The following ROR2 variants were observed in gnomAD, a reference collection of about 807,000 sequenced individuals.
The protein encoded by ROR2 is tyrosine-protein kinase transmembrane receptor ROR2.
In ROR2, 33 loss-of-function variants were observed where a neutral mutation model predicts 74.9. That is an observed-to-expected ratio of 0.44 (90% confidence interval 0.33 to 0.59). The LOEUF is 0.59. Ranked by LOEUF, ROR2 falls within the 20% of genes least tolerant of loss-of-function variation. ROR2 has a pLI of 0.02. For missense variants in ROR2, 1,216 were observed against 1,313.8 expected (o/e 0.93, Z 1.15); for synonymous variants, 586 against 558.7 (o/e 1.05, Z -0.69).
intron 1 of ROR2, among the ~76,000 whole-genome samples, chr9:91,823,768 G>A (rs184122343): frequency 6.6e-6 from 1 of 152,344 alleles, no homozygotes; most frequent in Non-Finnish European, 1.5e-5. Context: ...AAGGAATAAG[G>A]AGGCCCACAT....
At chr9:91,789,851 G>A (rs549720525) in intron 1 of ROR2, among the ~76,000 whole-genome samples, 1 of 152,274 alleles carries the variant, frequency 6.6e-6, no homozygotes, top group Admixed American at 6.5e-5. Context: ...TTAAATGTAA[G>A]TGGGTAAAAA....
intron 1 of ROR2, among the ~76,000 whole-genome samples, chr9:91,913,498 A>C (rs756898182): frequency 1.5e-4 from 23 of 152,148 alleles, no homozygotes; most frequent in Non-Finnish European, 2.5e-4. Context: ...TTTTCTGGAG[A>C]CTCAAACCCA....
At chr9:91,921,404 G>T (rs551299682) in intron 1 of ROR2, among the ~76,000 whole-genome samples, 1 of 152,156 alleles carries the variant, frequency 6.6e-6, no homozygotes, top group South Asian at 2.1e-4. Flanking sequence ...CAAAAGTAAA[G>T]CAGAATCAGG....
At chr9:91,752,286 C>A (rs1001148895) in intron 4 of ROR2, among the ~76,000 whole-genome samples, 2 of 152,188 alleles carry the variant, frequency 1.3e-5, no homozygotes, top group Admixed American at 6.5e-5. Context: ...TAGAGTATTC[C>A]TATACAAGGA....
chr9:91,814,314 GCT>G (rs1489147408), intron 1 of ROR2, among the ~76,000 whole-genome samples: 1 of 152,192 alleles, frequency 6.6e-6, no homozygotes, highest in African/African-American at 2.4e-5. Flanking sequence ...CAACAGCCTG[GCT>G]CTGTCACTTC....
chr9:91,946,953 G>A (rs1832028078), intron 1 of ROR2, among the ~76,000 whole-genome samples: 1 of 152,278 alleles, frequency 6.6e-6, no homozygotes, highest in Middle Eastern at 3.4e-3. Flanking sequence ...GACTCTGCCA[G>A]ACTTAATCTC....
chr9:91,757,646 A>G, intron 2 of ROR2, 87 bp from the exon 3 acceptor site: 4 of 1,494,266 alleles, frequency 2.7e-6, no homozygotes, highest in Non-Finnish European at 3.7e-6. Context: ...GAACTCTTCC[A>G]AGGGAAGGTT....
chr9:91,906,941 G>A (rs768112326), intron 1 of ROR2, among the ~76,000 whole-genome samples: 9 of 152,258 alleles, frequency 5.9e-5, no homozygotes, highest in African/African-American at 1.7e-4. Flanking sequence ...TTAAGTGGAC[G>A]GTTTGGTGGC....
intron 1 of ROR2, among the ~76,000 whole-genome samples, chr9:91,877,140 G>A (rs1019097043): frequency 4.6e-5 from 7 of 152,170 alleles, no homozygotes; most frequent in Admixed American, 2.6e-4. Flanking sequence ...AGAACATGAC[G>A]TGCAACTGAG....
chr9:91,834,793 C>T (rs1460518877), intron 1 of ROR2, among the ~76,000 whole-genome samples: 1 of 152,190 alleles, frequency 6.6e-6, no homozygotes, highest in Non-Finnish European at 1.5e-5. Context: ...GGCCCATCTG[C>T]ACACACACAG....
chr9:91,858,952 A>G (rs963043917), intron 1 of ROR2, among the ~76,000 whole-genome samples: 5 of 152,154 alleles, frequency 3.3e-5, no homozygotes, highest in African/African-American at 1.2e-4. Flanking sequence ...CTGAACACAC[A>G]CAGTGCCAGG....
intron 1 of ROR2, among the ~76,000 whole-genome samples, chr9:91,934,207 T>G (rs1359651852): frequency 6.6e-6 from 1 of 152,148 alleles, no homozygotes; most frequent in Non-Finnish European, 1.5e-5. Context: ...GTTACTAGAT[T>G]TTTAGTTTTG....
intron 1 of ROR2, among the ~76,000 whole-genome samples, chr9:91,922,098 A>G (rs1831282860): frequency 7.4e-6 from 1 of 136,036 alleles, no homozygotes; most frequent in East Asian, 2.1e-4. Flanking sequence ...ACCAAACAAC[A>G]GCAACAACAA....
chr9:91,817,817 C>T (rs1827995999), intron 1 of ROR2, among the ~76,000 whole-genome samples: 1 of 151,772 alleles, frequency 6.6e-6, no homozygotes, highest in South Asian at 2.1e-4. Flanking sequence ...AAACAAAGGC[C>T]CAGCTAGTTG....
At chr9:91,898,026 C>T (rs1167409793) in intron 1 of ROR2, among the ~76,000 whole-genome samples, 1 of 152,086 alleles carries the variant, frequency 6.6e-6, no homozygotes, top group Non-Finnish European at 1.5e-5. Context: ...CTTGCCACGG[C>T]GGGGTCCACA....
At chr9:91,871,510 C>T (rs187362692) in intron 1 of ROR2, among the ~76,000 whole-genome samples, 1 of 152,162 alleles carries the variant, frequency 6.6e-6, no homozygotes, top group Non-Finnish European at 1.5e-5. Flanking sequence ...TAAATTCTTG[C>T]GACAGGTTGT....
chr9:91,884,565 A>C (rs1242358768), intron 1 of ROR2, among the ~76,000 whole-genome samples: 1 of 151,710 alleles, frequency 6.6e-6, no homozygotes, highest in Non-Finnish European at 1.5e-5. Flanking sequence ...GTTTTCTAAG[A>C]TAATTTTTAA....
chr9:91,916,240 A>G (rs1393542872), intron 1 of ROR2, among the ~76,000 whole-genome samples: 1 of 152,246 alleles, frequency 6.6e-6, no homozygotes, highest in Non-Finnish European at 1.5e-5. Flanking sequence ...TGTTCTTGCT[A>G]GGAGCCAAAA....
Position 91,794,314 on chromosome 9 carries a change from C to T in ROR2, c.98-18496G>A, listed in dbSNP as rs150720028. Among the ~76,000 whole-genome samples, 3 of 152,324 alleles carry T rather than the reference C, an allele frequency of 2.0e-5. No individual in the cohort carries two copies. In the East Asian group the frequency reaches 5.8e-4, roughly 29 times the overall value. ...CAACACTAAGTTTCTACTGTCACCC[C>T]ATCACCACTGAATTAATTGTCACAC... On this transcript the variant is annotated intron_variant, in intron 1 of 8. Coordinates refer to ENST00000375708, the MANE Select transcript of ROR2 (RefSeq NM_004560.4).
Sources: allele counts gnomAD v4.1 joint callset (sites outside exome capture counted in the v4.1 genomes callset), GRCh38; gene constraint gnomAD v4.1.1; transcripts MANE v1.5; gene names NCBI Gene and HGNC (gene_info 2026-07-23, HGNC 2026-07-21).